GCLC: variants seen among roughly 807,000 people sequenced by gnomAD.
The protein encoded by GCLC is glutamate-cysteine ligase catalytic subunit, also known as glutamate--cysteine ligase catalytic subunit.
A neutral mutation model predicts 81.5 loss-of-function variants in GCLC; 30 were observed. The observed-to-expected ratio is 0.37, with a 90% CI of 0.28 to 0.50. The LOEUF (loss-of-function observed/expected upper bound fraction) is 0.50, where lower values mean the gene tolerates loss of function less well. Ranked by LOEUF, GCLC falls within the 20% of genes least tolerant of loss-of-function variation. GCLC has a pLI of 0.96. For synonymous variants in GCLC, 262 were observed against 273.3 expected, an observed-to-expected ratio of 0.96 and a Z score of 0.41; for missense variants, 556 against 777.4, an observed-to-expected ratio of 0.72 and a Z score of 3.39.
intron 3 of GCLC, among the ~76,000 whole-genome samples, chr6:53,518,841 C>G (rs114118314): frequency 1.5e-4 from 23 of 152,298 alleles, no homozygotes; most frequent in Non-Finnish European, 2.8e-4. Context: ...TGTCATTTAA[C>G]ATCTGTAACC....
At chr6:53,524,002 A>G (rs1343696185) in intron 1 of GCLC, 3 of 152,232 alleles carry the variant, frequency 2.0e-5, no homozygotes, top group African/African-American at 7.2e-5. Flanking sequence ...GTTCGCAACA[A>G]CAATTACAGG....
chr6:53,544,699 C>G lies in GCLC; in HGVS notation c.-54G>C, dbSNP rs1425471179. On this transcript the variant is annotated 5_prime_UTR_variant, in exon 1 of 16. Transcript: ENST00000650454. ...TCCGGGCTGACGGCGGTCGCCCGCT[C>G]CGGGCGCGAGACGGACACTCAGCCG... 2 of 1,527,526 alleles carry G rather than the reference C, an allele frequency of 1.3e-6. No homozygotes were observed. Among genetic ancestry groups the G allele is most frequent in the East Asian group, 4.9e-5 (2 of 40,772 alleles). 94.6% of individuals were successfully genotyped at this position (1,527,526 alleles called of 1,614,324 possible).
chr6:53,502,218 T>C (rs561462193), intron 12 of GCLC, among the ~76,000 whole-genome samples: 5 of 152,064 alleles, frequency 3.3e-5, no homozygotes, highest in Admixed American at 1.3e-4. Flanking sequence ...ACCAAGCTTA[T>C]TAACCATGCC....
chr6:53,499,186 C>T (rs764274997), intron 15 of GCLC, among the ~76,000 whole-genome samples: 1 of 152,154 alleles, frequency 6.6e-6, no homozygotes, highest in Non-Finnish European at 1.5e-5. Context: ...AGAACACATA[C>T]ATCCAGTTTC....
Position 53,516,140 on chromosome 6 carries a change from CTGGAAAGAAGAGGGACT to C in GCLC, c.512_528del (p.Lys171ArgfsTer2). On this transcript the variant is annotated frameshift_variant, in exon 4 of 16. Coordinates refer to ENST00000650454, the MANE Select transcript of GCLC (RefSeq NM_001498.4). LOFTEE classifies it high-confidence loss of function. ...CGAGGGTGCTTGTTTATTGCTTCAT[CTGGAAAGAAGAGGGACT>C]TGGAAGCTCCTCCTTCCACTGGGTT... 1 of 1,613,390 alleles carries C rather than the reference CTGGAAAGAAGAGGGACT, an allele frequency of 6.2e-7. No individual in the cohort carries two copies.
chr6:53,499,330 G>A (rs1258702548), intron 15 of GCLC, among the ~76,000 whole-genome samples: 1 of 152,166 alleles, frequency 6.6e-6, no homozygotes, highest in Admixed American at 6.5e-5. Context: ...AGTGTCATGA[G>A]ACTGCCTCAG....
At chr6:53,528,914 T>C (rs1314645490) in intron 1 of GCLC, among the ~76,000 whole-genome samples, 1 of 152,108 alleles carries the variant, frequency 6.6e-6, no homozygotes, top group Non-Finnish European at 1.5e-5. Flanking sequence ...ATTTCAAGAC[T>C]TTAATAAAAT....
At chr6:53,511,200 G>GT (rs1431865424) in intron 6 of GCLC, among the ~76,000 whole-genome samples, 1 of 100,656 alleles carries the variant, frequency 9.9e-6, no homozygotes, top group Admixed American at 1.1e-4. Context: ...AAAAAAAAAA[G>GT]TGGGGGGGGG....
rs1267813245 is a variant in GCLC, at chr6:53,509,240, T to C, written c.764A>G (p.Gln255Arg). The C allele has an allele frequency of 1.3e-6, 2 of 1,599,618 alleles. No homozygotes were observed. The highest frequency in any genetic ancestry group is 1.7e-6 in the Non-Finnish European group (2 of 1,166,928). Residue 255 changes from glutamine to arginine, a missense_variant, in exon 7 of 16, where the codon CAA becomes CGA. Physicochemically the swap from Gln to Arg is conservative, Grantham distance 43. Around this residue, in one of 3 missense-constraint regions of GCLC, gnomAD observed 9 missense variants for 36.4 expected, o/e 0.25. Coordinates refer to ENST00000650454, the MANE Select transcript of GCLC (RefSeq NM_001498.4). ...MGNCCLQVTF[Q>R]ACSISEARYL... Reference sequence around the variant, plus strand: ...TCTGGCCTCAGATATACTGCAGGCTTGGAATGTCACCTGTTTAAGAATTGC... The same window carrying C: ...TCTGGCCTCAGATATACTGCAGGCTCGGAATGTCACCTGTTTAAGAATTGC...
intron 6 of GCLC, among the ~76,000 whole-genome samples, chr6:53,512,294 A>C (rs622447): frequency 0.19 from 28,862 of 152,094 alleles, 2,783 homozygotes; most frequent in Non-Finnish European, 0.22. Context: ...AAAACAGTCA[A>C]TAATTTGAAT....
intron 15 of GCLC, among the ~76,000 whole-genome samples, chr6:53,499,672 A>T (rs1380174695): frequency 2.0e-5 from 3 of 152,198 alleles, no homozygotes; most frequent in African/African-American, 7.2e-5. Flanking sequence ...CTGTATGTAC[A>T]AAGGCAGGCT....
intron 1 of GCLC, among the ~76,000 whole-genome samples, chr6:53,543,102 C>T (rs1274193355): frequency 6.6e-6 from 1 of 152,196 alleles, no homozygotes; most frequent in Non-Finnish European, 1.5e-5. Context: ...GTAGTTCATT[C>T]ACTCATTCAT....
intron 1 of GCLC, among the ~76,000 whole-genome samples, chr6:53,531,027 CT>C (rs1763163802): frequency 6.6e-6 from 1 of 152,158 alleles, no homozygotes; most frequent in Admixed American, 6.5e-5. Context: ...CTTCTCGATG[CT>C]TCAGTTTTTG....
chr6:53,512,988 C>T (rs909161101), intron 6 of GCLC: 1 of 152,132 alleles, frequency 6.6e-6, no homozygotes, highest in African/African-American at 2.4e-5. Flanking sequence ...CGAAAGATCT[C>T]TTTTTTCGTG....
chr6:53,500,263 G>T lies in GCLC; in HGVS notation c.1565C>A (p.Thr522Asn), dbSNP rs754474481. The T allele has an allele frequency of 1.2e-6, 2 of 1,613,970 alleles. No individual in the cohort carries two copies. Among genetic ancestry groups the T allele is most frequent in the Non-Finnish European group, 1.7e-6 (2 of 1,179,850 alleles). Reference sequence around the variant, plus strand: ...CCCTCCTACCTTCCCATTGATGATGGTGTCTATGCTCATGAGGGTGTACTC... The same window carrying T: ...CCCTCCTACCTTCCCATTGATGATGTTGTCTATGCTCATGAGGGTGTACTC... The part of the protein sequence containing the change: ...AEEYTLMSID[T>N]IINGKEGVFP... The change falls in exon 14 of 16, where the codon ACC becomes AAC. Residue 522 changes from threonine (T) to asparagine (N), a missense_variant. Around this residue, in one of 3 missense-constraint regions of GCLC, gnomAD observed 313 missense variants for 437.3 expected, o/e 0.72. Transcript: ENST00000650454.
intron 1 of GCLC, among the ~76,000 whole-genome samples, chr6:53,529,152 A>G (rs1763130966): frequency 1.3e-5 from 2 of 152,240 alleles, no homozygotes; most frequent in African/African-American, 4.8e-5. Context: ...CAGAGGTTGT[A>G]CTAGACAGCA....
At chr6:53,531,336 G>GT (rs946175111) in intron 1 of GCLC, among the ~76,000 whole-genome samples, 3 of 152,186 alleles carry the variant, frequency 2.0e-5, no homozygotes, top group African/African-American at 7.2e-5. Context: ...GGGAACTGCT[G>GT]TTTCGTGGAA....
chr6:53,544,079 A>C (rs186282493), intron 1 of GCLC, among the ~76,000 whole-genome samples: 62 of 152,344 alleles, frequency 4.1e-4, no homozygotes, highest in African/African-American at 1.3e-3. Flanking sequence ...TTCTAAAAGC[A>C]GCAGGCCTAC....
At chr6:53,543,617 G>T (rs989157256) in intron 1 of GCLC, among the ~76,000 whole-genome samples, 1 of 152,184 alleles carries the variant, frequency 6.6e-6, no homozygotes, top group African/African-American at 2.4e-5. Context: ...GACTTCTCAA[G>T]AAGTCATTTA....
Sources: allele counts gnomAD v4.1 joint callset (sites outside exome capture counted in the v4.1 genomes callset), GRCh38; gene constraint gnomAD v4.1.1; regional missense constraint gnomAD v4.1.1; transcripts MANE v1.5; gene names NCBI Gene and HGNC (gene_info 2026-07-23, HGNC 2026-07-21).